The following SEL1L3 variants were observed in gnomAD, a reference collection of about 807,000 sequenced individuals.
The protein encoded by SEL1L3 is SEL1L family member 3.
SEL1L3 carries 76 observed loss-of-function variants against 142.8 expected under a neutral mutation model. That is an observed-to-expected ratio of 0.53 (90% CI 0.44 to 0.64). The LOEUF is 0.64. Among genes scored for constraint, SEL1L3 ranks in the 30% least tolerant of loss-of-function variants. SEL1L3 has a pLI of 0.00. For missense variants in SEL1L3, 1,262 were observed against 1,381.7 expected (o/e 0.91, Z 1.37); for synonymous variants, 504 against 519.6 (o/e 0.97, Z 0.41).
intron 11 of SEL1L3, among the ~76,000 whole-genome samples, chr4:25,801,958 T>C (rs759787611): frequency 1.3e-5 from 2 of 152,200 alleles, no homozygotes; most frequent in East Asian, 3.8e-4. Context: ...TCATAGGGTA[T>C]TGGCACAAAG....
At chr4:25,804,051 A>C (rs1374852192) in intron 10 of SEL1L3, among the ~76,000 whole-genome samples, 2 of 152,216 alleles carry the variant, frequency 1.3e-5, no homozygotes, top group African/African-American at 4.8e-5. Flanking sequence ...TGAAAATGTA[A>C]TTCTAAATGT....
chr4:25,791,974 G>A (rs2109195456), intron 11 of SEL1L3, among the ~76,000 whole-genome samples: 1 of 151,552 alleles, frequency 6.6e-6, no homozygotes, highest in South Asian at 2.1e-4. Context: ...TCCTCAGAAT[G>A]TCTCTCAGCT....
rs1716637556 is a variant in SEL1L3 at position 25,847,843 on chromosome 4, T to C, written c.184A>G (p.Arg62Gly). 6.4e-7 allele frequency: 1 copy of C among 1,568,870 alleles called. No individual in the cohort carries two copies. Among genetic ancestry groups the C allele is most frequent in the Non-Finnish European group, 8.6e-7 (1 of 1,161,384 alleles). The change falls in exon 2 of 24, where the codon AGG becomes GGG. Residue 62 changes from arginine (R) to glycine (G), a missense_variant. By Grantham distance (125) the Arg-to-Gly change is moderately radical (BLOSUM62 -2). Coordinates refer to ENST00000399878, the MANE Select transcript of SEL1L3 (RefSeq NM_015187.5). ...CYLNVVPSLG[R>G]QTSLTTSVIP... The stretch of plus-strand genomic sequence containing the variant: ...ACTGATGTCGTCAGGGAAGTCTGCC[T>C]ACCCAAAGATGGTACAACATTCTGA...
At chr4:25,718,307 C>A in the SEL1L3 span, 2 of 151,966 alleles carry the variant, frequency 1.3e-5, no homozygotes, top group Non-Finnish European at 2.9e-5. Context: ...AGAATGAGGC[C>A]ATAGTCACAA....
chr4:25,737,346 T>C, the SEL1L3 span, among the ~76,000 whole-genome samples: 3 of 152,222 alleles, frequency 2.0e-5, no homozygotes, highest in South Asian at 6.2e-4. Flanking sequence ...AAGTCCAAGA[T>C]GAAAGTGCTA....
chr4:25,829,144 TGTATTTTTA>T (rs1189308846), intron 6 of SEL1L3, among the ~76,000 whole-genome samples: 2 of 152,186 alleles, frequency 1.3e-5, no homozygotes, highest in East Asian at 3.9e-4. Context: ...GGCTTATTTT[TGTATTTTTA>T]GTAGAGACAG....
intron 23 of SEL1L3, among the ~76,000 whole-genome samples, chr4:25,754,820 A>T (rs1307652307): frequency 1.3e-5 from 2 of 152,128 alleles, no homozygotes; most frequent in African/African-American, 4.8e-5. Context: ...TACTTATTGA[A>T]ATCAATATTA....
intron 1 of SEL1L3, among the ~76,000 whole-genome samples, chr4:25,861,469 G>GAA (rs1717701075): frequency 1.3e-5 from 2 of 152,146 alleles, no homozygotes; most frequent in Non-Finnish European, 2.9e-5. Context: ...CATTCAAGAA[G>GAA]TAAAAAACGT....
intron 5 of SEL1L3, among the ~76,000 whole-genome samples, chr4:25,831,961 G>A (rs1715476907): frequency 1.3e-5 from 2 of 152,204 alleles, no homozygotes; most frequent in Non-Finnish European, 1.5e-5. Context: ...CTGATGATTT[G>A]TTGTCTCAGG....
intron 9 of SEL1L3, among the ~76,000 whole-genome samples, chr4:25,816,440 T>C (rs1217510189): frequency 6.6e-6 from 1 of 152,160 alleles, no homozygotes; most frequent in Non-Finnish European, 1.5e-5. Flanking sequence ...TACTTGTCCT[T>C]TGTGCCCACA....
At chr4:25,862,492 C>A (rs1338060802) in intron 1 of SEL1L3, among the ~76,000 whole-genome samples, 183 bp downstream of exon 1, 3 of 152,144 alleles carry the variant, frequency 2.0e-5, no homozygotes, top group Admixed American at 2.0e-4. Context: ...CCGGTCCAAG[C>A]GCCCCTCTCC....
chr4:25,785,726 G>A (rs973922221), intron 13 of SEL1L3, among the ~76,000 whole-genome samples: 1 of 152,178 alleles, frequency 6.6e-6, no homozygotes, highest in Non-Finnish European at 1.5e-5. Flanking sequence ...ACTGGAGAGG[G>A]GAGGAGACAA....
rs180908012 is a variant in SEL1L3 at position 25,770,047 on chromosome 4, G to A, written c.2670-2217C>T. ...GGAGGCTGAAGCAGGAGAATCGCTC[G>A]AACACGAAAGGTGGAGGTTGCAGTG... is the stretch of plus-strand genomic sequence containing the variant. On this transcript the variant is annotated intron_variant, in intron 17 of 23. Transcript: ENST00000399878. Among the ~76,000 whole-genome samples the A allele has an allele frequency of 3.0e-4, 45 of 152,242 alleles. 1 individual carries two copies. The highest frequency in any genetic ancestry group is 2.1e-3 in the East Asian group (11 of 5,160).
chr4:25,767,104 C>T (rs935573429), intron 19 of SEL1L3, among the ~76,000 whole-genome samples: 1 of 152,042 alleles, frequency 6.6e-6, no homozygotes, highest in African/African-American at 2.4e-5. Flanking sequence ...CCAGCCTGGC[C>T]AACATGGTGA....
At chr4:25,762,588 A>G (rs1361268591) in intron 20 of SEL1L3, among the ~76,000 whole-genome samples, 2 of 152,250 alleles carry the variant, frequency 1.3e-5, no homozygotes, top group East Asian at 3.8e-4. Context: ...ATTATAATGT[A>G]TCAGCTCAAC....
chr4:25,728,743 A>G, the SEL1L3 span, among the ~76,000 whole-genome samples: 1 of 151,896 alleles, frequency 6.6e-6, no homozygotes, highest in African/African-American at 2.4e-5. Context: ...CCTGGGCAAC[A>G]TGGCAAAACC....
the SEL1L3 span, among the ~76,000 whole-genome samples, chr4:25,725,665 G>A: frequency 6.6e-6 from 1 of 151,942 alleles, no homozygotes; most frequent in African/African-American, 2.4e-5. Flanking sequence ...AACAAGGGGT[G>A]GATTGTTCAT....
the SEL1L3 span, among the ~76,000 whole-genome samples, chr4:25,741,107 T>C: frequency 6.8e-6 from 1 of 147,630 alleles, no homozygotes; most frequent in African/African-American, 2.6e-5. Context: ...TTGCTTTCTT[T>C]CTTTTTTTTT....
At chr4:25,730,177 G>C in the SEL1L3 span, among the ~76,000 whole-genome samples, 10 of 151,926 alleles carry the variant, frequency 6.6e-5, no homozygotes, top group African/African-American at 2.4e-4. Flanking sequence ...CAAGTGACCC[G>C]CCCACCTCGG....
Sources: gnomAD v4.1 joint callset for allele counts (sites outside exome capture counted in the v4.1 genomes callset) on GRCh38, gnomAD v4.1.1 for gene constraint, MANE v1.5 for transcripts, NCBI Gene and HGNC (gene_info 2026-07-23, HGNC 2026-07-21) for gene names.